The following ARHGAP20 variants were observed in gnomAD, a reference collection of about 807,000 sequenced individuals.
The protein encoded by ARHGAP20 is rho GTPase-activating protein 20.
A neutral mutation model predicts 73.7 loss-of-function variants in ARHGAP20; 34 were observed. That is an observed-to-expected ratio of 0.46 (90% CI 0.35 to 0.61). The LOEUF is 0.61. Among genes scored for constraint, ARHGAP20 ranks in the 20% least tolerant of loss-of-function variants. ARHGAP20 has a pLI of 0.00. For synonymous variants in ARHGAP20, 523 were observed against 518.2 expected (o/e 1.01, Z -0.13); for missense variants, 1,314 against 1,420.9 (o/e 0.92, Z 1.21).
intron 2 of ARHGAP20, among the ~76,000 whole-genome samples, chr11:110,670,161 A>G (rs565308541): frequency 3.9e-5 from 6 of 152,272 alleles, no homozygotes; most frequent in African/African-American, 1.2e-4. Flanking sequence ...GGTATATAAC[A>G]TATAAAAATT....
rs920963551 is a variant in ARHGAP20, at chr11:110,586,700, T to C, written c.1306-375A>G. Among the ~76,000 whole-genome samples the C allele has an allele frequency of 1.8e-4, 28 of 152,212 alleles. 1 individual carries two copies. ...TAGTTCAAGGAAATGTACCAAGGTA[T>C]CTATGAGGTTCATTGTCTGGTAGTC... is the stretch of plus-strand genomic sequence containing the variant. On this transcript the variant is annotated intron_variant, in intron 11 of 14. Coordinates refer to ENST00000683387, the MANE Select transcript of ARHGAP20 (RefSeq NM_001384657.1).
intron 7 of ARHGAP20, among the ~76,000 whole-genome samples, chr11:110,610,705 A>G (rs1371046930): frequency 2.0e-5 from 3 of 152,172 alleles, no homozygotes; most frequent in Non-Finnish European, 2.9e-5. Flanking sequence ...AGAAAGGTAC[A>G]AAGCTAAAAG....
chr11:110,700,572 T>TTC (rs1187631750), intron 1 of ARHGAP20, among the ~76,000 whole-genome samples: 1 of 151,862 alleles, frequency 6.6e-6, no homozygotes, highest in African/African-American at 2.4e-5. Flanking sequence ...TTACTTTTTT[T>TTC]TTTCTTTCTT....
At position 110,578,295 on chromosome 11, in the gene ARHGAP20, T is replaced by C; in HGVS notation, c.*1075A>G. ...CTGGCAGCCACTTTGTTGGGTATTC[T>C]ATTGTGGGACTCCTTATAACCGGCC... is the stretch of plus-strand genomic sequence containing the variant. On this transcript the variant is annotated 3_prime_UTR_variant, in exon 15 of 15. Coordinates refer to ENST00000683387, the MANE Select transcript of ARHGAP20 (RefSeq NM_001384657.1). 1.0e-6 allele frequency: 1 copy of C among 985,472 alleles called. No individual in the cohort carries two copies. Among genetic ancestry groups the C allele is most frequent in the Non-Finnish European group, 1.2e-6 (1 of 829,932 alleles). 61.0% of individuals were successfully genotyped at this position (985,472 alleles called of 1,614,324 possible).
chr11:110,697,667 T>A (rs931273024), intron 1 of ARHGAP20, among the ~76,000 whole-genome samples: 2 of 151,944 alleles, frequency 1.3e-5, no homozygotes, highest in African/African-American at 4.8e-5. Context: ...CCAGCACAAT[T>A]TATTGAATAG....
In ARHGAP20 at chr11:110,698,566, A is replaced by G. The variant is rs187464907; in HGVS notation, c.106-7937T>C. On this transcript the variant is annotated intron_variant, in intron 1 of 14. Transcript: ENST00000683387. ...GGTCCTGGGCTTTTGTTGTTCTTGG[A>G]AGATTTTTACTACTGATTCAATTTC... 1.7e-3 allele frequency among the ~76,000 whole-genome samples: 258 copies of G among 151,766 alleles called. 1 individual carries two copies. Among genetic ancestry groups the G allele is most frequent in the African/African-American group, 5.7e-3 (238 of 41,450 alleles).
At chr11:110,625,036 T>TA (rs1948710467) in intron 3 of ARHGAP20, among the ~76,000 whole-genome samples, 1 of 109,382 alleles carries the variant, frequency 9.1e-6, no homozygotes, top group Non-Finnish European at 2.0e-5. Context: ...ATTTTTATTT[T>TA]TTTTTTTTTT....
chr11:110,590,769 T>C lies in ARHGAP20; in HGVS notation c.1184A>G (p.Lys395Arg), dbSNP rs762270387. The C allele has an allele frequency of 6.2e-7, 1 of 1,613,790 alleles. No homozygotes were observed. The highest frequency in any genetic ancestry group is 1.3e-5 in the African/African-American group (1 of 74,924). ...FFLNQKGPLT[K>R]GIFRQSANVK... ...ATTGGCTGATTGCCTGAAGATACCTTTGGTGAGAGGTCCTTTTTGATTAAG... is the reference window on the plus strand; with the variant it reads ...ATTGGCTGATTGCCTGAAGATACCTCTGGTGAGAGGTCCTTTTTGATTAAG... The change falls in exon 11 of 15, where the codon AAA becomes AGA. Residue 395 changes from lysine (K) to arginine (R), a missense_variant. Lys to Arg is a conservative substitution (Grantham distance 26). Around this residue, in one of 3 missense-constraint regions of ARHGAP20, gnomAD observed 230 missense variants for 317.6 expected, o/e 0.72. Coordinates refer to ENST00000683387, the MANE Select transcript of ARHGAP20 (RefSeq NM_001384657.1).
In ARHGAP20 at chr11:110,631,944, C is replaced by G. The variant is rs992202685; in HGVS notation, c.189-1152G>C. ...TTCTAGAATTTTATACAAATTGAAC[C>G]ACAGTATCTGTTCTTTTGTGTAAGA... On this transcript the variant is annotated intron_variant, in intron 2 of 14. Coordinates refer to ENST00000683387, the MANE Select transcript of ARHGAP20 (RefSeq NM_001384657.1). 2.0e-5 allele frequency among the ~76,000 whole-genome samples: 3 copies of G among 152,104 alleles called. No individual in the cohort carries two copies. The East Asian group carries it at 5.8e-4, about 29-fold the overall frequency.
intron 2 of ARHGAP20, among the ~76,000 whole-genome samples, chr11:110,655,251 T>TA (rs201314660): frequency 0.018 from 2,800 of 152,228 alleles, 82 homozygotes; most frequent in African/African-American, 0.062. Flanking sequence ...ACACATGAAA[T>TA]AATCAGGGAA....
intron 12 of ARHGAP20, among the ~76,000 whole-genome samples, chr11:110,585,215 T>A (rs1947628928): frequency 6.6e-6 from 1 of 151,940 alleles, no homozygotes; most frequent in Non-Finnish European, 1.5e-5. Context: ...TCTTACTAGT[T>A]CCCTCATAAA....
At chr11:110,642,193 G>A (rs372235416) in intron 2 of ARHGAP20, among the ~76,000 whole-genome samples, 3 of 152,102 alleles carry the variant, frequency 2.0e-5, no homozygotes, top group Admixed American at 6.6e-5. Context: ...GCCTTTTGGC[G>A]AGTCTTTAGG....
chr11:110,691,046 G>A, intron 1 of ARHGAP20: 1 of 1,481,568 alleles, frequency 6.7e-7, no homozygotes, highest in Non-Finnish European at 9.0e-7. Flanking sequence ...TTGGCTTCAA[G>A]AAAAGACAAG....
At chr11:110,590,836 A>C in intron 10 of ARHGAP20, 27 bp from the exon 11 acceptor site, 1 of 1,601,902 alleles carries the variant, frequency 6.2e-7, no homozygotes, top group Non-Finnish European at 8.5e-7. Flanking sequence ...GAAAATAAAC[A>C]AAATGACACT....
chr11:110,686,346 T>C (rs1950131752), intron 2 of ARHGAP20, among the ~76,000 whole-genome samples: 1 of 151,954 alleles, frequency 6.6e-6, no homozygotes, highest in African/African-American at 2.4e-5. Flanking sequence ...TATATTTAAA[T>C]GAGAATTTAA....
chr11:110,706,565 T>A (rs961252108), intron 1 of ARHGAP20, among the ~76,000 whole-genome samples: 4 of 152,194 alleles, frequency 2.6e-5, no homozygotes, highest in African/African-American at 4.8e-5. Flanking sequence ...TTACATTTTT[T>A]AAACTCAAAC....
In ARHGAP20 at chr11:110,580,771, C is replaced by T. The variant is rs774041818; in HGVS notation, c.2175G>A (p.Lys725=). ...LSYLREFYQK[K]LRKSSCDAIL... Reference sequence around the variant, plus strand: ...TTGCATCACAGCTGGACTTGCGTAGCTTTTTCTGATAAAACTCCCTGAGGT... The same window carrying T: ...TTGCATCACAGCTGGACTTGCGTAGTTTTTTCTGATAAAACTCCCTGAGGT... Residue 725 remains lysine, a synonymous_variant, in exon 15 of 15, where the codon AAG becomes AAA. Transcript: ENST00000683387. 6.2e-7 allele frequency: 1 copy of T among 1,613,844 alleles called. No individual in the cohort carries two copies. Among genetic ancestry groups the T allele is most frequent in the Non-Finnish European group, 8.5e-7 (1 of 1,179,922 alleles).
chr11:110,625,103 T>C (rs1331291352), intron 3 of ARHGAP20, among the ~76,000 whole-genome samples: 1 of 149,030 alleles, frequency 6.7e-6, no homozygotes, highest in Non-Finnish European at 1.5e-5. Context: ...AGTGGCGCAA[T>C]CTCGGCTCAC....
intron 2 of ARHGAP20, among the ~76,000 whole-genome samples, chr11:110,654,187 T>G (rs1949418036): frequency 6.6e-6 from 1 of 152,120 alleles, no homozygotes; most frequent in Non-Finnish European, 1.5e-5. Context: ...ATCCTGCACA[T>G]GTACTCTGGA....
Sources: allele counts gnomAD v4.1 joint callset (sites outside exome capture counted in the v4.1 genomes callset), GRCh38; gene constraint gnomAD v4.1.1; regional missense constraint gnomAD v4.1.1; transcripts MANE v1.5; gene names NCBI Gene and HGNC (gene_info 2026-07-23, HGNC 2026-07-21).